Variants in CDON observed in about 807,000 individuals in gnomAD.
CDON encodes cell adhesion molecule-related/down-regulated by oncogenes.
A neutral mutation model predicts 120.9 loss-of-function variants in CDON; 73 were observed. The observed-to-expected ratio is 0.60, with a 90% CI of 0.50 to 0.73. The LOEUF is 0.73. CDON is among the 30% of genes least tolerant of loss of function. The pLI is 0.00. For missense variants in CDON, 1,470 were observed against 1,587.3 expected, an observed-to-expected ratio of 0.93 and a Z score of 1.26; for synonymous variants, 566 against 573.5, an observed-to-expected ratio of 0.99 and a Z score of 0.19.
chr11:126,014,488 A>AT, intron 7 of CDON, among the ~76,000 whole-genome samples: 2 of 152,306 alleles, frequency 1.3e-5, no homozygotes, highest in South Asian at 4.1e-4. Flanking sequence ...GATAACGACT[A>AT]TGGAGAGTGA....
intron 1 of CDON, among the ~76,000 whole-genome samples, chr11:126,042,172 C>T (rs1477823208): frequency 6.6e-6 from 1 of 152,218 alleles, no homozygotes; most frequent in Non-Finnish European, 1.5e-5. Context: ...GCGTGAGCCA[C>T]CAAGCCCGGC....
At chr11:126,017,036 T>A in intron 6 of CDON, 52 bp downstream of exon 6, 1 of 1,459,926 alleles carries the variant, frequency 6.8e-7, no homozygotes, top group Non-Finnish European at 9.6e-7. Flanking sequence ...CAGGTATCAG[T>A]TAGACCAGAA....
chr11:126,018,495 G>T (rs752807778), intron 4 of CDON, 22 bp from the exon 5 acceptor site: 1 of 1,608,526 alleles, frequency 6.2e-7, no homozygotes, highest in Admixed American at 1.7e-5. Context: ...AGGGAGTGCA[G>T]TTAGGCCTCT....
At chr11:125,982,198 T>C (rs1375774991) in intron 16 of CDON, among the ~76,000 whole-genome samples, 1 of 151,858 alleles carries the variant, frequency 6.6e-6, no homozygotes, top group Admixed American at 6.6e-5. Flanking sequence ...TTGGTTTCGA[T>C]CTCCTGACCT....
In CDON at chr11:126,038,873, T is replaced by C. The variant is rs1381482464; in HGVS notation, c.-61-15336A>G. Reference sequence around the variant, plus strand: ...AGGTATTCCAAAACATAAGAAATAATTTTGTTGATTTAAATTACCTTCTTT... The same window carrying C: ...AGGTATTCCAAAACATAAGAAATAACTTTGTTGATTTAAATTACCTTCTTT... On this transcript the variant is annotated intron_variant, in intron 1 of 19. Coordinates refer to ENST00000531738, the MANE Select transcript of CDON (RefSeq NM_001378964.1). Among the ~76,000 whole-genome samples the C allele has an allele frequency of 6.6e-5, 10 of 152,302 alleles. 1 individual carries two copies. The highest frequency in any genetic ancestry group is 2.0e-4 in the Admixed American group (3 of 15,288).
intron 2 of CDON, among the ~76,000 whole-genome samples, chr11:126,022,612 C>A (rs928472802): frequency 6.6e-6 from 1 of 152,106 alleles, no homozygotes; most frequent in Non-Finnish European, 1.5e-5. Context: ...ATTGCTGAAT[C>A]TACTTCTATA....
rs1946575604 is a variant in CDON at position 125,989,738 on chromosome 11, A to G, written c.2672T>C (p.Ile891Thr). 1.2e-6 allele frequency: 2 copies of G among 1,613,038 alleles called. No individual in the cohort carries two copies. The highest frequency in any genetic ancestry group is 1.7e-6 in the Non-Finnish European group (2 of 1,179,304). The change falls in exon 15 of 20, where the codon ATT becomes ACT. Residue 891 changes from isoleucine to threonine, a missense_variant. By Grantham distance (89) the Ile-to-Thr change is moderately conservative. Transcript: ENST00000531738. ...GGAGGTTTCTGGCTGCAGGTGGCCA[A>G]TCATGTGCCACTGCTTTGAACCTAA... ...VVEGSKQWHM[I>T]GHLQPETSYD...
intron 12 of CDON, among the ~76,000 whole-genome samples, chr11:125,995,603 G>C (rs1421903044): frequency 6.6e-6 from 1 of 152,162 alleles, no homozygotes; most frequent in Non-Finnish European, 1.5e-5. Context: ...GGAATTGTTT[G>C]AATTAGATAT....
intron 15 of CDON, among the ~76,000 whole-genome samples, chr11:125,987,335 G>A (rs1187565509): frequency 1.3e-5 from 2 of 152,172 alleles, no homozygotes; most frequent in Admixed American, 6.5e-5. Flanking sequence ...TCTGATCTTC[G>A]GTGGGAAGGG....
chr11:125,971,967 A>G (rs1406655043), intron 18 of CDON, among the ~76,000 whole-genome samples: 2 of 152,224 alleles, frequency 1.3e-5, no homozygotes, highest in African/African-American at 4.8e-5. Context: ...AAGGGTAGAA[A>G]GCTTTCGATG....
At chr11:125,989,851 A>C in intron 14 of CDON, 92 bp from the exon 15 acceptor site, 10 of 1,135,912 alleles carry the variant, frequency 8.8e-6, no homozygotes, top group African/African-American at 1.5e-5. Context: ...AGGCTGGAGC[A>C]GCATCCACTA....
rs968029504 is a variant in CDON at position 125,957,081 on chromosome 11, G to A, written c.*3861C>T. 5 of 155,748 alleles carry A rather than the reference G, an allele frequency of 3.2e-5. No homozygotes were observed. The highest frequency in any genetic ancestry group is 5.6e-5 in the Non-Finnish European group (4 of 71,226). The allele number at this position is 155,748 out of a possible 1,614,324, so 9.6% of individuals were successfully genotyped here. A position where few individuals can be genotyped will look rare whatever the true frequency, so the allele number is the denominator to read the frequency against. On this transcript the variant is annotated 3_prime_UTR_variant, in exon 20 of 20. Transcript: ENST00000531738. The stretch of plus-strand genomic sequence containing the variant: ...TGAAGTTCATAAACATGTGGCGCTC[G>A]GTTAATGGTAAAAATAGACAATGTG...
chr11:125,966,772 A>G (rs1015396822), intron 18 of CDON, among the ~76,000 whole-genome samples: 7 of 152,198 alleles, frequency 4.6e-5, no homozygotes, highest in Non-Finnish European at 8.8e-5. Flanking sequence ...AGCTGTACAG[A>G]TGATTTTTCA....
chr11:126,059,688 A>G (rs116485777), intron 1 of CDON, among the ~76,000 whole-genome samples: 1,793 of 152,228 alleles, frequency 0.012, 34 homozygotes, highest in African/African-American at 0.041. Context: ...CCATTTAATC[A>G]AATACAGAAT....
chr11:125,961,236 G>T (rs2134335655), intron 19 of CDON, 131 bp from the exon 20 acceptor site: 1 of 851,532 alleles, frequency 1.2e-6, no homozygotes. Flanking sequence ...TGGTTTGTGT[G>T]TGGTTTGAAT....
chr11:126,025,828 T>C (rs1032824598), intron 1 of CDON, among the ~76,000 whole-genome samples: 2 of 152,168 alleles, frequency 1.3e-5, no homozygotes, highest in Admixed American at 1.3e-4. Context: ...AAAAAATGTA[T>C]ACCATATATT....
chr11:126,045,144 GCCTC>G (rs1948371073), intron 1 of CDON, among the ~76,000 whole-genome samples: 1 of 152,142 alleles, frequency 6.6e-6, no homozygotes, highest in African/African-American at 2.4e-5. Flanking sequence ...TCCTGCCTCA[GCCTC>G]CCGAGTAGCT....
At chr11:126,020,444 C>T (rs1295021647) in intron 3 of CDON, among the ~76,000 whole-genome samples, 1 of 152,186 alleles carries the variant, frequency 6.6e-6, no homozygotes, top group Non-Finnish European at 1.5e-5. Context: ...CTGCAGGGGA[C>T]TCTTTATTAT....
chr11:126,015,066 T>C, intron 7 of CDON, 175 bp downstream of exon 7: 1 of 669,148 alleles, frequency 1.5e-6, no homozygotes, highest in Non-Finnish European at 2.6e-6. Flanking sequence ...ATTAATAAGA[T>C]TACTTCTTCA....
Sources: allele counts gnomAD v4.1 joint callset (sites outside exome capture counted in the v4.1 genomes callset), GRCh38; gene constraint gnomAD v4.1.1; transcripts MANE v1.5; gene names NCBI Gene and HGNC (gene_info 2026-07-23, HGNC 2026-07-21).